The following ESRP1 variants were observed in gnomAD, a reference collection of about 807,000 sequenced individuals.
ESRP1 encodes epithelial splicing regulatory protein 1.
A neutral mutation model predicts 81.7 loss-of-function variants in ESRP1; 33 were observed. The observed-to-expected ratio is 0.40, with a 90% CI of 0.31 to 0.54. The LOEUF is 0.54. Ranked by LOEUF, ESRP1 falls within the 20% of genes least tolerant of loss-of-function variation. The probability of loss-of-function intolerance (pLI) is 0.41; values close to 1 mark genes in which losing one functional copy is unlikely to be tolerated. For missense variants in ESRP1, 672 were observed against 833.1 expected (o/e 0.81, Z 2.38); for synonymous variants, 320 against 303.3 (o/e 1.06, Z -0.57).
chr8:94,674,767 G>A (rs779982637), intron 12 of ESRP1, among the ~76,000 whole-genome samples: 21 of 152,142 alleles, frequency 1.4e-4, no homozygotes. Context: ...CTGAAGCTTA[G>A]TGTGCTCCAG....
chr8:94,679,357 C>T (rs527537372), intron 13 of ESRP1, among the ~76,000 whole-genome samples: 2 of 152,310 alleles, frequency 1.3e-5, no homozygotes, highest in African/African-American at 2.4e-5. Context: ...TGATGGAATA[C>T]TGTGCCAGAC....
In ESRP1 at chr8:94,692,694, A is replaced by G. The variant is rs1274183502; in HGVS notation, c.1838A>G (p.Asn613Ser). The change falls in exon 14 of 16, where the codon AAT becomes AGT. Residue 613 changes from asparagine to serine, a missense_variant. Asn to Ser is a conservative substitution (Grantham distance 46). Transcript: ENST00000433389. ...CCCTTTAGCCCCCCAGGTTCGCCTA[A>G]TAGTCTTGGCTACTTCCCTACAGCT... is the stretch of plus-strand genomic sequence containing the variant. Reference protein sequence around the residue: ...AYYPSPPGSPNSLGYFPTAAN... With the variant: ...AYYPSPPGSPSSLGYFPTAAN... The G allele has an allele frequency of 1.2e-6, 2 of 1,613,782 alleles. No individual in the cohort carries two copies. Among genetic ancestry groups the G allele is most frequent in the South Asian group, 1.1e-5 (1 of 91,030 alleles).
intron 4 of ESRP1, among the ~76,000 whole-genome samples, chr8:94,654,773 A>C (rs1224055674): frequency 6.6e-6 from 1 of 152,022 alleles, no homozygotes; most frequent in East Asian, 1.9e-4. Flanking sequence ...ATAAATCTAA[A>C]AATTAGCTAG....
chr8:94,696,189 T>G (rs540545096), intron 14 of ESRP1, among the ~76,000 whole-genome samples: 1 of 152,360 alleles, frequency 6.6e-6, no homozygotes, highest in African/African-American at 2.4e-5. Context: ...GTCATTCTGG[T>G]CCATAAACGT....
At position 94,678,195 on chromosome 8, in the gene ESRP1, A is replaced by G. The variant is rs761115865; in HGVS notation, c.1652-8A>G. ...TATGTCTCAAAGAATCTCTCTTTGCATATCTAGGCCTGTCTCCTCCCTCCT... is the reference window on the plus strand; with the variant it reads ...TATGTCTCAAAGAATCTCTCTTTGCGTATCTAGGCCTGTCTCCTCCCTCCT... On this transcript the variant is annotated splice_polypyrimidine_tract_variant and splice_region_variant and intron_variant, in intron 12 of 15. Coordinates refer to ENST00000433389, the MANE Select transcript of ESRP1 (RefSeq NM_017697.4). The G allele has an allele frequency of 6.2e-7, 1 of 1,613,366 alleles. No homozygotes were observed. Among genetic ancestry groups the G allele is most frequent in the Admixed American group, 1.7e-5 (1 of 59,902 alleles).
At chr8:94,668,384 C>A (rs1819128668) in intron 10 of ESRP1, 134 bp downstream of exon 10, 1 of 843,456 alleles carries the variant, frequency 1.2e-6, no homozygotes, top group African/African-American at 1.7e-5. Context: ...TGAAAATAGT[C>A]TTGATTCTAT....
intron 12 of ESRP1, among the ~76,000 whole-genome samples, chr8:94,675,495 CT>C (rs1334217503): frequency 6.6e-6 from 1 of 152,098 alleles, no homozygotes; most frequent in Non-Finnish European, 1.5e-5. Flanking sequence ...TTTCTAAATG[CT>C]AATATTCCAT....
chr8:94,703,108 G>GTTTTTTTTT (rs201767398), intron 15 of ESRP1, among the ~76,000 whole-genome samples: 3 of 128,522 alleles, frequency 2.3e-5, no homozygotes, highest in African/African-American at 5.8e-5. Context: ...GAGATTGATT[G>GTTTTTTTTT]TTTTTTTTTT....
chr8:94,675,178 T>G (rs1440800342), intron 12 of ESRP1, among the ~76,000 whole-genome samples: 1 of 49,602 alleles, frequency 2.0e-5, no homozygotes. Flanking sequence ...GTCTACGAAG[T>G]TCTAGTTAGT....
chr8:94,681,199 G>A (rs188060566), intron 13 of ESRP1, among the ~76,000 whole-genome samples: 2 of 151,818 alleles, frequency 1.3e-5, no homozygotes, highest in Admixed American at 1.3e-4. Context: ...GGTGATGGGT[G>A]CCTATAGTCC....
intron 12 of ESRP1, among the ~76,000 whole-genome samples, chr8:94,676,842 C>T (rs1808662526): frequency 6.6e-6 from 1 of 151,490 alleles, no homozygotes; most frequent in Non-Finnish European, 1.5e-5. Flanking sequence ...CTGTAATGAA[C>T]CGCTTGATAG....
At chr8:94,646,371 T>C in intron 4 of ESRP1, 89 bp downstream of exon 4, 2 of 885,366 alleles carry the variant, frequency 2.3e-6, no homozygotes, top group South Asian at 3.9e-5. Flanking sequence ...TTAAATTTTG[T>C]CAGCATATGG....
intron 3 of ESRP1, among the ~76,000 whole-genome samples, chr8:94,645,156 T>C (rs774316178): frequency 1.3e-5 from 2 of 152,164 alleles, no homozygotes; most frequent in Non-Finnish European, 2.9e-5. Context: ...TTAACTTTTT[T>C]AAAAGCTGTG....
chr8:94,687,737 A>G (rs117388604), intron 13 of ESRP1, among the ~76,000 whole-genome samples: 1 of 152,210 alleles, frequency 6.6e-6, no homozygotes, highest in Non-Finnish European at 1.5e-5. Flanking sequence ...AGAAATGTCT[A>G]CTCAAATCCT....
chr8:94,652,193 G>A (rs749119627), intron 4 of ESRP1, among the ~76,000 whole-genome samples: 1 of 150,880 alleles, frequency 6.6e-6, no homozygotes, highest in Non-Finnish European at 1.5e-5. Flanking sequence ...TCACCATGTT[G>A]GCGAGGCTGG....
intron 10 of ESRP1, among the ~76,000 whole-genome samples, chr8:94,669,302 T>C (rs1355918647): frequency 6.6e-6 from 1 of 152,194 alleles, no homozygotes; most frequent in Admixed American, 6.5e-5. Flanking sequence ...AGTAGAATAG[T>C]GATTCATATG....
chr8:94,678,960 G>A (rs1029392771), intron 13 of ESRP1, among the ~76,000 whole-genome samples: 2 of 152,130 alleles, frequency 1.3e-5, no homozygotes, highest in Non-Finnish European at 2.9e-5. Context: ...TGTCAGTCTG[G>A]GAGTTGGGAG....
chr8:94,641,175 T>G lies in ESRP1; in HGVS notation c.-144T>G, dbSNP rs1450024141. The G allele has an allele frequency of 2.5e-6, 2 of 794,564 alleles. No individual in the cohort carries two copies. Among genetic ancestry groups the G allele is most frequent in the African/African-American group, 3.5e-5 (2 of 57,444 alleles). 49.2% of individuals were successfully genotyped at this position (794,564 alleles called of 1,614,324 possible). ...TGGGCTTGGGTGGTTGGTTACCGCC[T>G]TTTGCACTAGCAGTAGCAAGGAAGG... On this transcript the variant is annotated 5_prime_UTR_variant, in exon 1 of 16. Transcript: ENST00000433389.
chr8:94,657,740 G>A (rs1400125794), intron 4 of ESRP1, among the ~76,000 whole-genome samples: 1 of 152,144 alleles, frequency 6.6e-6, no homozygotes, highest in Non-Finnish European at 1.5e-5. Context: ...TAACCAGGCA[G>A]GAATGCTTTA....
Sources: gnomAD v4.1 joint callset for allele counts (sites outside exome capture counted in the v4.1 genomes callset) on GRCh38, gnomAD v4.1.1 for gene constraint, MANE v1.5 for transcripts, NCBI Gene and HGNC (gene_info 2026-07-23, HGNC 2026-07-21) for gene names.